The following GRM1 variants were observed in gnomAD, a reference collection of about 807,000 sequenced individuals.
GRM1 encodes metabotropic glutamate receptor 1.
In GRM1, 33 loss-of-function variants were observed where a neutral mutation model predicts 90.9. The ratio of observed to expected loss-of-function variants is 0.36; its 90% confidence interval spans 0.28 to 0.49. GRM1 has a LOEUF of 0.49. Among genes scored for constraint, GRM1 ranks in the 20% least tolerant of loss-of-function variants. The pLI is 0.99. For missense variants in GRM1, 1,190 were observed against 1,534.3 expected, an observed-to-expected ratio of 0.78 and a Z score of 3.75; for synonymous variants, 700 against 613.2, an observed-to-expected ratio of 1.14 and a Z score of -2.09.
Position 146,402,096 on chromosome 6 carries a change from G to T in GRM1, c.2660+2397G>T, listed in dbSNP as rs151274258. ...AGCATGGTCTAAATTAACTGGATTG[G>T]TTGTCTAGGAAGTGCTGGTTTCATC... On this transcript the variant is annotated intron_variant, in intron 7 of 7. Coordinates refer to ENST00000282753, the MANE Select transcript of GRM1 (RefSeq NM_001278064.2). Among the ~76,000 whole-genome samples the T allele has an allele frequency of 2.2e-3, 333 of 152,236 alleles. 2 individuals carry two copies. Among genetic ancestry groups the T allele is most frequent in the African/African-American group, 7.8e-3 (323 of 41,558 alleles).
intron 3 of GRM1, among the ~76,000 whole-genome samples, chr6:146,328,638 C>A (rs1784479747): frequency 6.6e-6 from 1 of 152,166 alleles, no homozygotes; most frequent in South Asian, 2.1e-4. Flanking sequence ...CTTATCTAAT[C>A]ATGACATATG....
chr6:146,163,047 T>C (rs1292711946), intron 2 of GRM1, among the ~76,000 whole-genome samples: 1 of 152,156 alleles, frequency 6.6e-6, no homozygotes, highest in African/African-American at 2.4e-5. Flanking sequence ...TATAGACTTA[T>C]CTAATATTAT....
chr6:146,377,019 C>G (rs1370312308), intron 5 of GRM1, among the ~76,000 whole-genome samples: 2 of 152,108 alleles, frequency 1.3e-5, no homozygotes, highest in African/African-American at 4.8e-5. Flanking sequence ...GACTTTACCC[C>G]TCCTTTGCCT....
At position 146,160,821 on chromosome 6, in the gene GRM1, C is replaced by G. The variant is rs1777697602; in HGVS notation, c.950+1224C>G. Among the ~76,000 whole-genome samples, 5 of 152,076 alleles carry G rather than the reference C, an allele frequency of 3.3e-5. No individual in the cohort carries two copies. In the South Asian group the frequency reaches 1.0e-3, roughly 32 times the overall value. On this transcript the variant is annotated intron_variant, in intron 2 of 7. Transcript: ENST00000282753. ...ATGAATAAAGAAACAGAGATACTCT[C>G]CAAGCATGAGGAGGTGTGGAGCCAA...
At chr6:146,063,486 A>G (rs1218718957) in intron 1 of GRM1, among the ~76,000 whole-genome samples, 3 of 152,200 alleles carry the variant, frequency 2.0e-5, no homozygotes, top group Non-Finnish European at 4.4e-5. Context: ...TTCTCAAATC[A>G]GACATTTTCT....
chr6:146,032,391 C>A (rs1790738804), intron 1 of GRM1, among the ~76,000 whole-genome samples: 1 of 152,118 alleles, frequency 6.6e-6, no homozygotes, highest in South Asian at 2.1e-4. Context: ...TTAAACGTAA[C>A]ATCTGTAAAA....
chr6:146,246,241 C>A (rs1781056287), intron 2 of GRM1, among the ~76,000 whole-genome samples: 1 of 152,130 alleles, frequency 6.6e-6, no homozygotes, highest in South Asian at 2.1e-4. Flanking sequence ...GAGTCTGTAC[C>A]TACTGCTCAG....
At chr6:146,388,524 G>T (rs1229295006) in intron 6 of GRM1, among the ~76,000 whole-genome samples, 1 of 152,010 alleles carries the variant, frequency 6.6e-6, no homozygotes, top group African/African-American at 2.4e-5. Context: ...TGTTAATTTT[G>T]TTAGAAAAAA....
At chr6:146,388,580 G>A (rs759027906) in intron 6 of GRM1, among the ~76,000 whole-genome samples, 4 of 152,002 alleles carry the variant, frequency 2.6e-5, no homozygotes, top group Non-Finnish European at 4.4e-5. Context: ...CTAGTACAAA[G>A]GTCCTTTTTA....
intron 2 of GRM1, among the ~76,000 whole-genome samples, chr6:146,178,277 G>GT (rs1199281337): frequency 2.0e-5 from 3 of 152,102 alleles, no homozygotes; most frequent in East Asian, 1.9e-4. Context: ...CTTGTCTAAT[G>GT]TTTTTTCTCA....
intron 1 of GRM1, among the ~76,000 whole-genome samples, chr6:146,099,476 C>G (rs1776977863): frequency 6.6e-6 from 1 of 152,190 alleles, no homozygotes; most frequent in Admixed American, 6.5e-5. Context: ...GGAGAGGAAG[C>G]TAGCCAAGCA....
chr6:146,409,618 T>C (rs1193853673), intron 7 of GRM1, among the ~76,000 whole-genome samples: 1 of 152,176 alleles, frequency 6.6e-6, no homozygotes, highest in Non-Finnish European at 1.5e-5. Context: ...CATTAGGACA[T>C]TGTCTTCTGA....
chr6:146,414,229 T>C (rs1338717878), intron 7 of GRM1, among the ~76,000 whole-genome samples: 1 of 152,114 alleles, frequency 6.6e-6, no homozygotes. Context: ...AATGCGTATG[T>C]AGAGGTATTT....
intron 1 of GRM1, among the ~76,000 whole-genome samples, chr6:146,070,344 A>AT (rs1204238015): frequency 6.6e-6 from 1 of 152,178 alleles, no homozygotes; most frequent in Admixed American, 6.6e-5. Context: ...AATACGCATG[A>AT]TTTTATTGAA....
At chr6:146,345,353 T>A (rs930694052) in intron 3 of GRM1, among the ~76,000 whole-genome samples, 1 of 152,178 alleles carries the variant, frequency 6.6e-6, no homozygotes, top group Non-Finnish European at 1.5e-5. Flanking sequence ...TCATTTAGAG[T>A]CAGTCATAAA....
chr6:146,167,045 C>T (rs983158914), intron 2 of GRM1, among the ~76,000 whole-genome samples: 1 of 152,042 alleles, frequency 6.6e-6, no homozygotes. Flanking sequence ...TTCTTAGTAC[C>T]GCCTTGCAGT....
rs1192474201 is a variant in GRM1, at chr6:146,317,129, A to G, written c.1186+12283A>G. The stretch of plus-strand genomic sequence containing the variant: ...GCCATTTCCTTCATCTGAAAGATTT[A>G]TGTGTGCCAAATTATTATTTTCAGA... On this transcript the variant is annotated intron_variant, in intron 3 of 7. Coordinates refer to ENST00000282753, the MANE Select transcript of GRM1 (RefSeq NM_001278064.2). 3.9e-5 allele frequency among the ~76,000 whole-genome samples: 6 copies of G among 152,150 alleles called. 1 individual carries two copies. The South Asian group carries it at 8.3e-4, about 21-fold the overall frequency.
chr6:146,387,433 T>G (rs1390800586), intron 6 of GRM1, among the ~76,000 whole-genome samples: 1 of 151,892 alleles, frequency 6.6e-6, no homozygotes, highest in African/African-American at 2.4e-5. Flanking sequence ...GGAAGAAACA[T>G]GGAAAAATAT....
At chr6:146,039,733 A>G (rs559328495) in intron 1 of GRM1, among the ~76,000 whole-genome samples, 2 of 152,098 alleles carry the variant, frequency 1.3e-5, no homozygotes, top group South Asian at 4.1e-4. Context: ...GAAAGTGTCA[A>G]TGGAAAAGGA....
Sources: allele counts gnomAD v4.1 joint callset (sites outside exome capture counted in the v4.1 genomes callset), GRCh38; gene constraint gnomAD v4.1.1; transcripts MANE v1.5; gene names NCBI Gene and HGNC (gene_info 2026-07-23, HGNC 2026-07-21).